Variants in TATDN3 observed in about 807,000 individuals in gnomAD.
TATDN3 encodes the protein deoxyribonuclease TATDN3.
A neutral mutation model predicts 40.1 loss-of-function variants in TATDN3; 29 were observed. That is an observed-to-expected ratio of 0.72 (90% CI 0.54 to 0.99). The LOEUF is 0.99. TATDN3 is among the 50% of genes least tolerant of loss of function. The pLI, the probability that TATDN3 is intolerant of heterozygous loss-of-function variation, is 0.00. For synonymous variants in TATDN3, 105 were observed against 117.0 expected, an observed-to-expected ratio of 0.90 and a Z score of 0.66; for missense variants, 309 against 321.9, an observed-to-expected ratio of 0.96 and a Z score of 0.31.
intron 7 of TATDN3, among the ~76,000 whole-genome samples, chr1:212,806,094 G>T (rs1165720315): frequency 6.6e-6 from 1 of 152,186 alleles, no homozygotes; most frequent in Non-Finnish European, 1.5e-5. Flanking sequence ...AGAAATCAGT[G>T]ATGAATAGTT....
chr1:212,799,739 A>G (rs1662056169), intron 4 of TATDN3, among the ~76,000 whole-genome samples: 1 of 152,084 alleles, frequency 6.6e-6, no homozygotes, highest in African/African-American at 2.4e-5. Context: ...GGGTTTTGCC[A>G]TGTTGGCCAG....
chr1:212,800,938 C>G (rs1164424919), intron 4 of TATDN3, among the ~76,000 whole-genome samples: 1 of 149,076 alleles, frequency 6.7e-6, no homozygotes. Flanking sequence ...GGTGCCATGG[C>G]TGACTCCTGT....
At chr1:212,796,623 C>T in intron 3 of TATDN3, 33 bp downstream of exon 3, 1 of 1,421,960 alleles carries the variant, frequency 7.0e-7, no homozygotes, top group Non-Finnish European at 9.6e-7. Context: ...TAAAGGGTTG[C>T]TAATAAGAAC....
intron 1 of TATDN3, 74 bp downstream of exon 1, chr1:212,792,061 C>T (rs545644852): frequency 2.0e-6 from 3 of 1,488,210 alleles, no homozygotes; most frequent in South Asian, 1.2e-5. Context: ...TCTTTGCTCT[C>T]CTCCCTTGGG....
intron 4 of TATDN3, among the ~76,000 whole-genome samples, chr1:212,801,330 A>G (rs1662167959): frequency 6.8e-6 from 1 of 147,600 alleles, no homozygotes; most frequent in Non-Finnish European, 1.5e-5. Flanking sequence ...TACATCTACT[A>G]AAATAAAATG....
intron 4 of TATDN3, among the ~76,000 whole-genome samples, chr1:212,798,559 GAAA>G (rs1661968937): frequency 9.1e-6 from 1 of 109,836 alleles, no homozygotes; most frequent in East Asian, 2.7e-4. Context: ...AAAAAAAAAA[GAAA>G]AGAAAATTCA....
At chr1:212,811,194 G>A (rs1167618089) in intron 8 of TATDN3, among the ~76,000 whole-genome samples, 4 of 151,844 alleles carry the variant, frequency 2.6e-5, no homozygotes, top group Non-Finnish European at 5.9e-5. Flanking sequence ...GGAGTGCAGT[G>A]GCGCGATCTC....
intron 4 of TATDN3, among the ~76,000 whole-genome samples, chr1:212,800,146 C>A (rs544124215): frequency 2.8e-4 from 42 of 152,262 alleles, no homozygotes; most frequent in African/African-American, 9.9e-4. Flanking sequence ...TTAACATATT[C>A]CTGAATTAAT....
chr1:212,792,497 T>G, intron 1 of TATDN3, among the ~76,000 whole-genome samples: 2 of 140,470 alleles, frequency 1.4e-5, no homozygotes, highest in Non-Finnish European at 1.5e-5. Flanking sequence ...AAGCCGGTGA[T>G]TGTGGCGTTT....
chr1:212,804,985 G>A (rs187477032), intron 7 of TATDN3, among the ~76,000 whole-genome samples: 8 of 152,124 alleles, frequency 5.3e-5, no homozygotes, highest in South Asian at 2.1e-4. Context: ...TTTTTGAGAC[G>A]GAGTCTCACT....
At chr1:212,806,368 C>CTCTT (rs1553257433) in intron 7 of TATDN3, among the ~76,000 whole-genome samples, 3 of 132,512 alleles carry the variant, frequency 2.3e-5, no homozygotes, top group African/African-American at 2.9e-5. Context: ...TTCTCTCTCT[C>CTCTT]TTTTTTTTTT....
chr1:212,795,155 T>C, intron 2 of TATDN3, 28 bp downstream of exon 2: 1 of 1,595,684 alleles, frequency 6.3e-7, no homozygotes. Context: ...ATTGCTCTTT[T>C]GGTTTTTTAT....
chr1:212,806,747 C>CCATAT (rs1558083475), intron 7 of TATDN3, among the ~76,000 whole-genome samples: 1,360 of 43,960 alleles, frequency 0.031, 229 homozygotes, highest in Non-Finnish European at 0.047. Flanking sequence ...TCTCTCTCTC[C>CCATAT]ATATATATAT....
At chr1:212,814,918 T>C in intron 9 of TATDN3, 95 bp from the exon 10 acceptor site, 1 of 1,390,716 alleles carries the variant, frequency 7.2e-7, no homozygotes, top group East Asian at 2.4e-5. Context: ...GCCCATCAGT[T>C]GTTTTTACCA....
Position 212,807,801 on chromosome 1 carries a change from G to A in TATDN3, c.553G>A (p.Ala185Thr). ...ATCTGTAGCCATGGAAGGAGTAAGAGCTGGGTACTTCTTCTCAATTCCCCC... is the reference window on the plus strand; with the variant it reads ...ATCTGTAGCCATGGAAGGAGTAAGAACTGGGTACTTCTTCTCAATTCCCCC... ...RPSVAMEGVR[A>T]GYFFSIPPSI... Residue 185 changes from alanine (A) to threonine (T), a missense_variant, in exon 8 of 10, where the codon GCT becomes ACT. By Grantham distance (58) the Ala-to-Thr change is moderately conservative. Transcript: ENST00000366974. 1 of 1,613,908 alleles carries A rather than the reference G, an allele frequency of 6.2e-7. No homozygotes were observed.
chr1:212,808,463 ATG>A (rs1662676237), intron 8 of TATDN3, among the ~76,000 whole-genome samples: 1 of 152,170 alleles, frequency 6.6e-6, no homozygotes, highest in African/African-American at 2.4e-5. Flanking sequence ...AAAATTTAAA[ATG>A]TTCACAATAA....
At chr1:212,795,892 C>T (rs1661725662) in intron 2 of TATDN3, among the ~76,000 whole-genome samples, 1 of 152,176 alleles carries the variant, frequency 6.6e-6, no homozygotes, top group South Asian at 2.1e-4. Context: ...GGTCCAAAGA[C>T]ACATGCTAGT....
rs1663064028 is a variant in TATDN3, at chr1:212,814,113, C to T, written c.682-900C>T. Among the ~76,000 whole-genome samples, 3 of 152,020 alleles carry T rather than the reference C, an allele frequency of 2.0e-5. No individual in the cohort carries two copies. The South Asian group carries it at 6.2e-4, about 32-fold the overall frequency. Reference sequence around the variant, plus strand: ...AAGATTACAGGTGTAAGCCACTGCACCTGGCTGAACCTCTGTATATATTAA... The same window carrying T: ...AAGATTACAGGTGTAAGCCACTGCATCTGGCTGAACCTCTGTATATATTAA... On this transcript the variant is annotated intron_variant, in intron 9 of 9. Coordinates refer to ENST00000366974, the MANE Select transcript of TATDN3 (RefSeq NM_001042552.3).
intron 4 of TATDN3, among the ~76,000 whole-genome samples, chr1:212,802,378 CTT>C (rs1380043822): frequency 6.6e-6 from 1 of 152,210 alleles, no homozygotes; most frequent in Non-Finnish European, 1.5e-5. Context: ...GTTTGCCTCT[CTT>C]TTTCTTAGTG....
Sources: allele counts gnomAD v4.1 joint callset (sites outside exome capture counted in the v4.1 genomes callset), GRCh38; gene constraint gnomAD v4.1.1; transcripts MANE v1.5; gene names NCBI Gene and HGNC (gene_info 2026-07-23, HGNC 2026-07-21).